CCDC28A: variants seen among roughly 807,000 people sequenced by gnomAD.
CCDC28A encodes coiled-coil domain-containing protein 28A.
In CCDC28A, 24 loss-of-function variants were observed where a neutral mutation model predicts 22.1. The ratio of observed to expected loss-of-function variants is 1.09; its 90% CI spans 0.79 to 1.53. The LOEUF (loss-of-function observed/expected upper bound fraction) is 1.53, where lower values mean the gene tolerates loss of function less well. Ranked by LOEUF, CCDC28A falls within the 40% of genes most tolerant of loss-of-function variation. The probability of loss-of-function intolerance (pLI) is 0.00; values close to 1 mark genes in which losing one functional copy is unlikely to be tolerated. For missense variants in CCDC28A, 170 were observed against 210.7 expected (o/e 0.81, Z 1.20); for synonymous variants, 83 against 74.7 (o/e 1.11, Z -0.57).
At chr6:138,784,551 A>G (rs981452094) in intron 3 of CCDC28A, among the ~76,000 whole-genome samples, 25 of 151,694 alleles carry the variant, frequency 1.6e-4, no homozygotes, top group African/African-American at 7.3e-5. Context: ...TTGTAGGGGT[A>G]GGGTCTTGCC....
At chr6:138,787,567 ATTT>A (rs1161274356) in intron 4 of CCDC28A, among the ~76,000 whole-genome samples, 1 of 152,154 alleles carries the variant, frequency 6.6e-6, no homozygotes, top group African/African-American at 2.4e-5. Flanking sequence ...GGTTTTAAAG[ATTT>A]TGATCATTAA....
intron 3 of CCDC28A, among the ~76,000 whole-genome samples, chr6:138,780,572 A>ATTT (rs11348177): frequency 1.4e-4 from 17 of 124,140 alleles, no homozygotes; most frequent in African/African-American, 5.2e-4. Context: ...TTATTTCCCA[A>ATTT]TTTTTTTTTT....
Position 138,792,750 on chromosome 6 carries a change from CA to C in CCDC28A, c.507del (p.Lys169AsnfsTer41), listed in dbSNP as rs1775190988. ...SDLEELNSSI[Q>X]KLHLADAQDV... is the part of the protein sequence containing the mutation. ...AATCTTCTTAACTGATTAATTCAGA[CA>C]AAAACTCCATTTGGCAGATGCACAA... On this transcript the variant is annotated frameshift_variant and splice_region_variant, in exon 6 of 6. Coordinates refer to ENST00000617445, the MANE Select transcript of CCDC28A (RefSeq NM_015439.3). LOFTEE classifies it high-confidence loss of function. The C allele has an allele frequency of 6.3e-7, 1 of 1,597,988 alleles. No individual in the cohort carries two copies.
At chr6:138,779,692 C>T in intron 2 of CCDC28A, 130 bp from the exon 3 acceptor site, 1 of 533,268 alleles carries the variant, frequency 1.9e-6, no homozygotes, top group Non-Finnish European at 3.0e-6. Flanking sequence ...CTTGGAGTTT[C>T]TGGTTTTGTT....
chr6:138,788,665 C>T (rs1253734102), intron 5 of CCDC28A, among the ~76,000 whole-genome samples: 1 of 147,190 alleles, frequency 6.8e-6, no homozygotes, highest in Non-Finnish European at 1.5e-5. Context: ...AGTCTCAAAC[C>T]TCCCAGGCTC....
intron 5 of CCDC28A, among the ~76,000 whole-genome samples, chr6:138,788,656 G>A (rs1452708914): frequency 7.3e-6 from 1 of 137,914 alleles, no homozygotes; most frequent in Non-Finnish European, 1.5e-5. Context: ...GTTCACCACA[G>A]TCTCAAACCT....
intron 3 of CCDC28A, among the ~76,000 whole-genome samples, chr6:138,784,438 C>T (rs1001141879): frequency 6.6e-6 from 1 of 150,838 alleles, no homozygotes; most frequent in African/African-American, 2.4e-5. Context: ...GCAACCTTCA[C>T]CTGCTGGGCT....
intron 3 of CCDC28A, among the ~76,000 whole-genome samples, chr6:138,780,341 T>C (rs7758151): frequency 0.052 from 7,886 of 152,260 alleles, 691 homozygotes; most frequent in African/African-American, 0.18. Context: ...CTTACCCTCT[T>C]AAGCTTAAAC....
intron 1 of CCDC28A, 116 bp downstream of exon 1, chr6:138,774,018 G>C: frequency 7.9e-7 from 1 of 1,266,248 alleles, no homozygotes; most frequent in Non-Finnish European, 1.1e-6. Flanking sequence ...GATTGGGGAA[G>C]GGGAATGAGG....
At position 138,792,812 on chromosome 6, in the gene CCDC28A, G is replaced by A. The variant is rs757733230; in HGVS notation, c.*9G>A. On this transcript the variant is annotated 3_prime_UTR_variant, in exon 6 of 6. Transcript: ENST00000617445. ...ATACTTCTGCTAGCTAAAATGAAAT[G>A]TAGTTTGCTTTCTTGTGATTTGAAG... 5.4e-5 allele frequency: 86 copies of A among 1,597,214 alleles called. No homozygotes were observed. The highest frequency in any genetic ancestry group is 7.2e-5 in the Non-Finnish European group (84 of 1,167,758).
chr6:138,793,009 T>TTCA lies in CCDC28A; in HGVS notation c.*210_*212dup. The TTCA allele has an allele frequency of 1.8e-6, 1 of 548,236 alleles. No homozygotes were observed. The highest frequency in any genetic ancestry group is 2.1e-5 in the South Asian group (1 of 48,766). 34.0% of individuals were successfully genotyped at this position (548,236 alleles called of 1,614,324 possible). ...TGGAGGCCTAGGCCTTGTTGAAGGC[T>TTCA]TCATCAGGAAATGTGACGCAGAGAT... On this transcript the variant is annotated 3_prime_UTR_variant, in exon 6 of 6. Coordinates refer to ENST00000617445, the MANE Select transcript of CCDC28A (RefSeq NM_015439.3).
At position 138,779,809 on chromosome 6, in the gene CCDC28A, A is replaced by G. The variant is rs1562438989; in HGVS notation, c.159-13A>G. On this transcript the variant is annotated splice_polypyrimidine_tract_variant and intron_variant, in intron 2 of 5. Coordinates refer to ENST00000617445, the MANE Select transcript of CCDC28A (RefSeq NM_015439.3). Reference sequence around the variant, plus strand: ...GAATAGCCTAAAAAGCCTAAATTTCATCGTCTTTACAGAGTGATGAAAGAA... The same window carrying G: ...GAATAGCCTAAAAAGCCTAAATTTCGTCGTCTTTACAGAGTGATGAAAGAA... 4 of 1,591,164 alleles carry G rather than the reference A, an allele frequency of 2.5e-6. No homozygotes were observed. Among genetic ancestry groups the G allele is most frequent in the Non-Finnish European group, 3.4e-6 (4 of 1,171,726 alleles).
intron 3 of CCDC28A, among the ~76,000 whole-genome samples, chr6:138,784,840 C>T (rs955132579): frequency 6.6e-6 from 1 of 151,856 alleles, no homozygotes; most frequent in East Asian, 1.9e-4. Context: ...ACTACAGGCA[C>T]GCACCACCAT....
intron 3 of CCDC28A, among the ~76,000 whole-genome samples, chr6:138,783,997 C>T (rs1775058044): frequency 6.6e-6 from 1 of 151,548 alleles, no homozygotes; most frequent in African/African-American, 2.4e-5. Context: ...CCCACCTCAA[C>T]CTCCCAAGTA....
At chr6:138,777,087 T>C (rs1166268360) in intron 2 of CCDC28A, among the ~76,000 whole-genome samples, 2 of 152,198 alleles carry the variant, frequency 1.3e-5, no homozygotes, top group Non-Finnish European at 2.9e-5. Flanking sequence ...GGGAAGATTA[T>C]AGCTTTAGAG....
rs78688338 is a variant in CCDC28A, at chr6:138,779,653, C to T, written c.159-169C>T. On this transcript the variant is annotated intron_variant, in intron 2 of 5. Coordinates refer to ENST00000617445, the MANE Select transcript of CCDC28A (RefSeq NM_015439.3). ...TTTTATACATTTGTTTGAGGTTTTT[C>T]ACAACCTTTTTTTTCTTTTGGTTTC... 3.9e-4 allele frequency among the ~76,000 whole-genome samples: 59 copies of T among 152,192 alleles called. No individual in the cohort carries two copies. In the East Asian group the frequency reaches 0.011, roughly 29 times the overall value.
At chr6:138,779,545 C>T (rs1428565906) in intron 2 of CCDC28A, among the ~76,000 whole-genome samples, 1 of 152,130 alleles carries the variant, frequency 6.6e-6, no homozygotes, top group Non-Finnish European at 1.5e-5. Context: ...TACAGACTTA[C>T]AAGTTTTCTT....
chr6:138,782,534 C>T (rs897897231), intron 3 of CCDC28A, among the ~76,000 whole-genome samples: 5 of 152,216 alleles, frequency 3.3e-5, no homozygotes, highest in Non-Finnish European at 7.4e-5. Context: ...TCACCTAGAT[C>T]CGTCCTCTGA....
rs577030036 is a variant in CCDC28A at position 138,785,192 on chromosome 6, C to T, written c.323-35C>T. 1,200 of 1,561,472 alleles carry T rather than the reference C, an allele frequency of 7.7e-4. 20 individuals carry two copies. The South Asian group carries it at 0.013, about 17-fold the overall frequency. ...ACTCAATGCTGTTAGTTTGAACTGT[C>T]CTAATCATTATTAATGTTCTGGAAT... is the stretch of plus-strand genomic sequence containing the variant. On this transcript the variant is annotated intron_variant, in intron 3 of 5. Coordinates refer to ENST00000617445, the MANE Select transcript of CCDC28A (RefSeq NM_015439.3).
Sources: allele counts gnomAD v4.1 joint callset (sites outside exome capture counted in the v4.1 genomes callset), GRCh38; gene constraint gnomAD v4.1.1; transcripts MANE v1.5; gene names NCBI Gene and HGNC (gene_info 2026-07-23, HGNC 2026-07-21).